Variants in MAGT1 observed in about 807,000 individuals in gnomAD.
MAGT1 encodes the protein magnesium transporter 1.
MAGT1 carries 4 observed loss-of-function variants against 28.4 expected under a neutral mutation model. The ratio of observed to expected loss-of-function variants is 0.14; its 90% CI spans 0.07 to 0.32. The LOEUF (loss-of-function observed/expected upper bound fraction) is 0.32. Among genes scored for constraint, MAGT1 ranks in the 10% least tolerant of loss-of-function variants. The pLI is 1.00. For synonymous variants in MAGT1, 89 were observed against 89.7 expected (o/e 0.99, Z 0.04); for missense variants, 193 against 264.5 (o/e 0.73, Z 1.88).
chrX:77,876,934 A>G (rs782069382), intron 1 of MAGT1, among the ~76,000 whole-genome samples: 7 of 102,264 alleles, frequency 6.8e-5, no homozygotes, highest in African/African-American at 2.2e-4. Context: ...AATCGCTTGA[A>G]CCTGGGAGGC....
Position 77,872,474 on chromosome X carries a change from TG to T in MAGT1, c.273-1550del, listed in dbSNP as rs782552641. ...TTCTCTAATCTCTTTCACTAGTTAT[TG>T]AAGGTTCTTTATCACATAGCTTCAA... On this transcript the variant is annotated intron_variant, in intron 2 of 9. Transcript: ENST00000618282. 3.6e-5 allele frequency among the ~76,000 whole-genome samples: 4 copies of T among 112,440 alleles called. No individual in the cohort carries two copies. The South Asian group carries it at 1.1e-3, about 31-fold the overall frequency.
intron 3 of MAGT1, among the ~76,000 whole-genome samples, chrX:77,862,652 C>G (rs1405579905): frequency 9.0e-6 from 1 of 111,494 alleles, no homozygotes; most frequent in East Asian, 2.8e-4. Context: ...TGAAAAAATA[C>G]TCAACATCAC....
chrX:77,856,698 T>C (rs782555062), intron 5 of MAGT1, 35 bp downstream of exon 5: 56 of 1,184,869 alleles, frequency 4.7e-5, no homozygotes, highest in Non-Finnish European at 6.2e-5. Flanking sequence ...AGGAATTTTA[T>C]TCAAATAATT....
intron 7 of MAGT1, among the ~76,000 whole-genome samples, chrX:77,850,900 T>C (rs782054248): frequency 1.8e-5 from 2 of 111,882 alleles, no homozygotes; most frequent in Non-Finnish European, 3.8e-5. Flanking sequence ...GAAGAACTGA[T>C]TCAAGATACT....
intron 1 of MAGT1, among the ~76,000 whole-genome samples, chrX:77,894,741 A>G (rs1272826910): frequency 8.9e-6 from 1 of 112,194 alleles, no homozygotes; most frequent in Non-Finnish European, 1.9e-5. Flanking sequence ...TCATTTATGT[A>G]TATCAAGTGC....
At chrX:77,829,950 T>C (rs1557213217) in intron 9 of MAGT1, among the ~76,000 whole-genome samples, 3 of 112,334 alleles carry the variant, frequency 2.7e-5, no homozygotes, top group Non-Finnish European at 1.9e-5. Context: ...AAAATAAATC[T>C]AAAAGATGTT....
Position 77,856,758 on chromosome X carries a change from T to C in MAGT1, c.647A>G (p.Lys216Arg). 8.3e-7 allele frequency: 1 copy of C among 1,209,668 alleles called. No homozygotes were observed. Among genetic ancestry groups the C allele is most frequent in the Non-Finnish European group, 1.1e-6 (1 of 894,036 alleles). ...CAAAGCTGCAAAAGCCCATCCAGTT[T>C]TATTAAAGAGAAATTCCATATTACT... Reference protein sequence around the residue: ...RRSNMEFLFNKTGWAFAALCF... With the variant: ...RRSNMEFLFNRTGWAFAALCF... The change falls in exon 5 of 10, where the codon AAA becomes AGA. Residue 216 changes from lysine to arginine, a missense_variant. By Grantham distance (26) the Lys-to-Arg change is conservative (BLOSUM62 2). Coordinates refer to ENST00000618282, the MANE Select transcript of MAGT1 (RefSeq NM_001367916.1).
intron 8 of MAGT1, among the ~76,000 whole-genome samples, chrX:77,835,132 A>AT (rs1158997328): frequency 2.8e-5 from 3 of 106,821 alleles, no homozygotes; most frequent in Admixed American, 2.1e-4. Context: ...ATTTTTTTGT[A>AT]TTTTTTTTCA....
chrX:77,845,576 C>T (rs1288208340), intron 7 of MAGT1, among the ~76,000 whole-genome samples: 4 of 111,599 alleles, frequency 3.6e-5, no homozygotes, highest in African/African-American at 1.3e-4. Flanking sequence ...TGGCTGGTGC[C>T]GGTTGTTCCT....
At chrX:77,861,722 A>T (rs1354237824) in intron 3 of MAGT1, among the ~76,000 whole-genome samples, 3 of 112,399 alleles carry the variant, frequency 2.7e-5, no homozygotes, top group East Asian at 5.5e-4. Flanking sequence ...TTCAGCTTTG[A>T]AAAGGAAGGA....
At chrX:77,837,816 C>T (rs2076923751) in intron 8 of MAGT1, among the ~76,000 whole-genome samples, 1 of 111,547 alleles carries the variant, frequency 9.0e-6, no homozygotes, top group South Asian at 3.8e-4. Context: ...GATCTCGGCT[C>T]ACTGCAACTT....
chrX:77,855,355 T>C, intron 6 of MAGT1, 146 bp downstream of exon 6: 1 of 465,421 alleles, frequency 2.1e-6, no homozygotes, highest in Non-Finnish European at 3.8e-6. Context: ...CATGGTCTTA[T>C]CAGTGATGGA....
chrX:77,891,594 T>G (rs2077082850), intron 1 of MAGT1, among the ~76,000 whole-genome samples: 1 of 111,585 alleles, frequency 9.0e-6, no homozygotes, highest in Admixed American at 9.6e-5. Flanking sequence ...ATAATGAGTG[T>G]AAACTATAGT....
chrX:77,870,361 T>C (rs918742858), intron 3 of MAGT1, among the ~76,000 whole-genome samples: 2 of 110,080 alleles, frequency 1.8e-5, no homozygotes, highest in African/African-American at 6.6e-5. Flanking sequence ...AAAGAACTTA[T>C]CCATGTAACC....
At chrX:77,875,221 A>T (rs1557217688) in intron 2 of MAGT1, among the ~76,000 whole-genome samples, 1 of 110,836 alleles carries the variant, frequency 9.0e-6, no homozygotes, top group Non-Finnish European at 1.9e-5. Context: ...TATGATGGCT[A>T]CCACAATTAT....
At chrX:77,877,013 CAAAAAAA>C (rs782800456) in intron 1 of MAGT1, among the ~76,000 whole-genome samples, 2 of 10,651 alleles carry the variant, frequency 1.9e-4, no homozygotes, top group Non-Finnish European at 3.8e-4. Flanking sequence ...AACTCCATCT[CAAAAAAA>C]AAAAAAAAAA....
At chrX:77,849,554 T>G (rs2076961287) in intron 7 of MAGT1, among the ~76,000 whole-genome samples, 1 of 111,218 alleles carries the variant, frequency 9.0e-6, no homozygotes, top group African/African-American at 3.3e-5. Context: ...TCTGGTTACA[T>G]AAGTGTGTTA....
chrX:77,886,939 C>T (rs1439051546), intron 1 of MAGT1, among the ~76,000 whole-genome samples: 1 of 111,657 alleles, frequency 9.0e-6, no homozygotes, highest in Admixed American at 9.6e-5. Flanking sequence ...AATAATAAAC[C>T]AACCCGTGAT....
chrX:77,838,007 G>C (rs988640315), intron 8 of MAGT1, among the ~76,000 whole-genome samples: 2 of 111,850 alleles, frequency 1.8e-5, no homozygotes, highest in Admixed American at 1.9e-4. Flanking sequence ...CCCAAGTGTT[G>C]GGATTTACAG....
Sources: allele counts gnomAD v4.1 joint callset (sites outside exome capture counted in the v4.1 genomes callset), GRCh38; gene constraint gnomAD v4.1.1; transcripts MANE v1.5; gene names NCBI Gene and HGNC (gene_info 2026-07-23, HGNC 2026-07-21).